The following PTPRA variants were observed in gnomAD, a reference collection of about 807,000 sequenced individuals.
The protein encoded by PTPRA is receptor-type tyrosine-protein phosphatase alpha.
Under a neutral mutation model 104.8 loss-of-function variants are expected in PTPRA, and 25 were observed. The observed-to-expected ratio is 0.24, with a 90% CI of 0.17 to 0.33. PTPRA has a LOEUF of 0.33. Ranked by LOEUF, PTPRA falls within the 10% of genes least tolerant of loss-of-function variation. PTPRA has a pLI of 1.00. For missense variants in PTPRA, 765 were observed against 1,015.3 expected (o/e 0.75, Z 3.35); for synonymous variants, 323 against 368.9 (o/e 0.88, Z 1.43).
chr20:2,919,205 A>T (rs2060014792), intron 1 of PTPRA, among the ~76,000 whole-genome samples: 1 of 152,188 alleles, frequency 6.6e-6, no homozygotes, highest in South Asian at 2.1e-4. Context: ...GCAGTTATTA[A>T]AGAATCGAAT....
intron 11 of PTPRA, among the ~76,000 whole-genome samples, chr20:3,013,481 G>A (rs1463668933): frequency 6.0e-5 from 9 of 151,082 alleles, no homozygotes; most frequent in Admixed American, 3.3e-4. Context: ...GCAATGGCGC[G>A]ATCTCACTAC....
At chr20:2,882,975 CT>C (rs752857166) in intron 1 of PTPRA, among the ~76,000 whole-genome samples, 587 of 113,658 alleles carry the variant, frequency 5.2e-3, no homozygotes, top group Admixed American at 6.7e-3. Context: ...AAATCCAACA[CT>C]TTTTTTTTTT....
chr20:2,922,859 T>C (rs1195554448), intron 1 of PTPRA, among the ~76,000 whole-genome samples: 1 of 148,936 alleles, frequency 6.7e-6, no homozygotes, highest in African/African-American at 2.5e-5. Flanking sequence ...GGTCTCAAAC[T>C]CCTGACCTCA....
At chr20:3,007,557 T>C in intron 11 of PTPRA, 137 bp downstream of exon 11, 1 of 913,998 alleles carries the variant, frequency 1.1e-6, no homozygotes, top group Non-Finnish European at 1.7e-6. Context: ...TTTAAGTGAC[T>C]GAATTTTTTT....
At chr20:2,968,145 C>A (rs1388469901) in intron 5 of PTPRA, among the ~76,000 whole-genome samples, 2 of 152,144 alleles carry the variant, frequency 1.3e-5, no homozygotes, top group African/African-American at 2.4e-5. Context: ...TCGGTAGATT[C>A]CTGAGAAAAG....
intron 3 of PTPRA, among the ~76,000 whole-genome samples, chr20:2,955,441 T>C (rs2061502129): frequency 6.6e-6 from 1 of 152,228 alleles, no homozygotes; most frequent in Non-Finnish European, 1.5e-5. Context: ...ACAGCCTTAG[T>C]AGTCTAGTTT....
At chr20:3,030,915 A>G (rs905803842) in intron 20 of PTPRA, among the ~76,000 whole-genome samples, 1 of 151,926 alleles carries the variant, frequency 6.6e-6, no homozygotes, top group Non-Finnish European at 1.5e-5. Flanking sequence ...CCTGACCCCA[A>G]GTGATCCGCC....
chr20:2,997,506 G>A (rs1293339405), intron 9 of PTPRA, among the ~76,000 whole-genome samples: 2 of 152,152 alleles, frequency 1.3e-5, no homozygotes, highest in African/African-American at 4.8e-5. Context: ...CACCAAATGG[G>A]ATGTTGTTCT....
At chr20:3,018,629 C>T (rs1055112735) in intron 13 of PTPRA, among the ~76,000 whole-genome samples, 9 of 151,838 alleles carry the variant, frequency 5.9e-5, no homozygotes, top group East Asian at 1.9e-4. Context: ...TACTTCTTTC[C>T]ACACAGACAC....
chr20:2,957,935 T>C (rs2061596997), intron 3 of PTPRA, among the ~76,000 whole-genome samples: 1 of 151,962 alleles, frequency 6.6e-6, no homozygotes, highest in African/African-American at 2.4e-5. Flanking sequence ...ATACAACCCT[T>C]ATGAGTTATT....
Position 3,038,217 on chromosome 20 carries a change from ATATATCT to A in PTPRA, c.*89_*95del, listed in dbSNP as rs1390057105. ...TTTGTTAATATACCCCAAATTGTGTATATATCTTATAACTGTTTTAGAAATTGGTACA... is the reference window on the plus strand; with the variant it reads ...TTTGTTAATATACCCCAAATTGTGTATATAACTGTTTTAGAAATTGGTACA... On this transcript the variant is annotated 3_prime_UTR_variant, in exon 24 of 24. Coordinates refer to ENST00000399903, the MANE Select transcript of PTPRA (RefSeq NM_001385305.1). The A allele has an allele frequency of 1.5e-6, 2 of 1,305,774 alleles. No homozygotes were observed. The highest frequency in any genetic ancestry group is 1.8e-5 in the Admixed American group (1 of 54,174). 80.9% of individuals were successfully genotyped at this position (1,305,774 alleles called of 1,614,324 possible). A position where few individuals can be genotyped will look rare whatever the true frequency, so the allele number is the denominator to read the frequency against.
At chr20:2,949,741 CTT>C (rs2061291156) in intron 3 of PTPRA, among the ~76,000 whole-genome samples, 1 of 151,126 alleles carries the variant, frequency 6.6e-6, no homozygotes, top group Non-Finnish European at 1.5e-5. Flanking sequence ...TAAATAGTAA[CTT>C]TTATCAGGTT....
At chr20:3,030,273 G>A (rs2065369839) in intron 20 of PTPRA, among the ~76,000 whole-genome samples, 1 of 152,134 alleles carries the variant, frequency 6.6e-6, no homozygotes, top group African/African-American at 2.4e-5. Context: ...GAGAAGAGTC[G>A]TGCGCACACA....
At chr20:2,869,691 C>T (rs752591989), upstream of PTPRA, among the ~76,000 whole-genome samples, 25 of 152,188 alleles carry the variant, frequency 1.6e-4, no homozygotes, top group Non-Finnish European at 3.4e-4. Context: ...AAAGGCTGGG[C>T]GCAGTGGCTC....
chr20:2,927,590 G>A (rs1162237957), intron 2 of PTPRA, among the ~76,000 whole-genome samples: 1 of 152,172 alleles, frequency 6.6e-6, no homozygotes, highest in Non-Finnish European at 1.5e-5. Flanking sequence ...AGTGGGCACT[G>A]TTTTTTAGGC....
At chr20:2,993,870 G>A (rs112428087) in intron 9 of PTPRA, among the ~76,000 whole-genome samples, 82 of 152,318 alleles carry the variant, frequency 5.4e-4, no homozygotes, top group African/African-American at 1.9e-3. Flanking sequence ...ACTTCACAGA[G>A]CCGGGAGCAT....
chr20:2,989,404 A>G (rs1384517982), intron 9 of PTPRA, among the ~76,000 whole-genome samples: 3 of 152,090 alleles, frequency 2.0e-5, no homozygotes, highest in East Asian at 1.9e-4. Context: ...CTGCACTCTG[A>G]CCTGGCGACA....
At chr20:2,925,257 T>A (rs2060252525) in intron 2 of PTPRA, among the ~76,000 whole-genome samples, 1 of 152,194 alleles carries the variant, frequency 6.6e-6, no homozygotes, top group Non-Finnish European at 1.5e-5. Flanking sequence ...ACTATAATAG[T>A]TACCTCGTAT....
intron 1 of PTPRA, among the ~76,000 whole-genome samples, chr20:2,874,876 C>A (rs533054413): frequency 6.6e-6 from 1 of 152,136 alleles, no homozygotes; most frequent in African/African-American, 2.4e-5. Flanking sequence ...CCCCTCATCC[C>A]GCTTGCTGGC....
Sources: allele counts gnomAD v4.1 joint callset (sites outside exome capture counted in the v4.1 genomes callset), GRCh38; gene constraint gnomAD v4.1.1; transcripts MANE v1.5; gene names NCBI Gene and HGNC (gene_info 2026-07-23, HGNC 2026-07-21).